The following STAB2 variants were observed in gnomAD, a reference collection of about 807,000 sequenced individuals.
STAB2 encodes the protein stabilin-2.
STAB2 carries 288 observed loss-of-function variants against 338.1 expected under a neutral mutation model. The ratio of observed to expected loss-of-function variants is 0.85; its 90% confidence interval spans 0.77 to 0.94. The LOEUF (loss-of-function observed/expected upper bound fraction) is 0.94. Among genes scored for constraint, STAB2 ranks in the 40% least tolerant of loss-of-function variants. The pLI, the probability that STAB2 is intolerant of heterozygous loss-of-function variation, is 0.00. For synonymous variants in STAB2, 1,202 were observed against 1,193.3 expected, an observed-to-expected ratio of 1.01 and a Z score of -0.15; for missense variants, 3,141 against 3,210.1, an observed-to-expected ratio of 0.98 and a Z score of 0.52.
chr12:103,623,471 G>A (rs1038967532), intron 5 of STAB2, among the ~76,000 whole-genome samples: 4 of 152,164 alleles, frequency 2.6e-5, no homozygotes, highest in Non-Finnish European at 5.9e-5. Context: ...TAAGGATGGA[G>A]AAGGGAGGCA....
At chr12:103,750,531 G>A (rs373508858) in intron 59 of STAB2, 48 bp from the exon 60 acceptor site, 39 of 1,603,566 alleles carry the variant, frequency 2.4e-5, no homozygotes, top group Admixed American at 6.7e-5. Flanking sequence ...GGCATCCTGG[G>A]GTCCTAGAGA....
intron 23 of STAB2, among the ~76,000 whole-genome samples, chr12:103,674,395 T>G (rs977292554): frequency 2.0e-5 from 3 of 152,128 alleles, no homozygotes; most frequent in Non-Finnish European, 2.9e-5. Context: ...GCAGGGCAGT[T>G]GTGGAGATTA....
At chr12:103,620,298 C>T (rs1957277845) in intron 3 of STAB2, among the ~76,000 whole-genome samples, 170 bp from the exon 4 acceptor site, 1 of 146,640 alleles carries the variant, frequency 6.8e-6, no homozygotes, top group South Asian at 2.1e-4. Context: ...CATTGCAATT[C>T]ACCTGTGTTT....
At chr12:103,714,883 G>C (rs568339786) in intron 42 of STAB2, among the ~76,000 whole-genome samples, 1 of 152,226 alleles carries the variant, frequency 6.6e-6, no homozygotes, top group East Asian at 1.9e-4. Flanking sequence ...ATTTATTATT[G>C]ATGTAATACT....
At chr12:103,751,661 C>G (rs770153354) in intron 60 of STAB2, among the ~76,000 whole-genome samples, 2 of 152,184 alleles carry the variant, frequency 1.3e-5, no homozygotes, top group Non-Finnish European at 2.9e-5. Flanking sequence ...TTATTTGCCC[C>G]TGGGACTGTG....
intron 3 of STAB2, among the ~76,000 whole-genome samples, chr12:103,601,154 A>G (rs974136617): frequency 3.9e-5 from 6 of 152,340 alleles, no homozygotes; most frequent in African/African-American, 9.6e-5. Context: ...TAACAACTTC[A>G]TAAGGCTATT....
chr12:103,698,699 C>T (rs536607697), intron 33 of STAB2, among the ~76,000 whole-genome samples: 23 of 152,290 alleles, frequency 1.5e-4, no homozygotes, highest in Admixed American at 1.2e-3. Flanking sequence ...CTCCACGAGA[C>T]ACAGATCAAG....
At chr12:103,674,890 A>G (rs1876186560) in intron 23 of STAB2, among the ~76,000 whole-genome samples, 2 of 152,224 alleles carry the variant, frequency 1.3e-5, no homozygotes, top group Non-Finnish European at 2.9e-5. Flanking sequence ...ACAGTTGTAC[A>G]ATAGAAATGC....
In STAB2 at chr12:103,688,192, G is replaced by A; in HGVS notation, c.3022G>A (p.Ala1008Thr). 1 of 1,613,924 alleles carries A rather than the reference G, an allele frequency of 6.2e-7. No individual in the cohort carries two copies. Among genetic ancestry groups the A allele is most frequent in the East Asian group, 2.2e-5 (1 of 44,892 alleles). Residue 1008 changes from alanine to threonine, a missense_variant, in exon 28 of 69, where the codon GCT becomes ACT. By Grantham distance (58) the Ala-to-Thr change is moderately conservative (BLOSUM62 0). Transcript: ENST00000388887. ...AVELSFLSEA[A>T]IFNRWINNAS... Reference sequence around the variant, plus strand: ...GGAATTGTCATTTCTCTCCGAAGCAGCTATATTTAACCGATGGATAAATGT... The same window carrying A: ...GGAATTGTCATTTCTCTCCGAAGCAACTATATTTAACCGATGGATAAATGT...
chr12:103,693,923 C>T (rs557196647), intron 31 of STAB2, among the ~76,000 whole-genome samples: 26 of 151,348 alleles, frequency 1.7e-4, no homozygotes, highest in Non-Finnish European at 2.7e-4. Flanking sequence ...GAGGCCGAGG[C>T]GGGCGGATCA....
At chr12:103,613,441 G>T (rs1957159362) in intron 3 of STAB2, among the ~76,000 whole-genome samples, 1 of 152,180 alleles carries the variant, frequency 6.6e-6, no homozygotes, top group Admixed American at 6.5e-5. Flanking sequence ...TCAGACTGCT[G>T]TGCTAGCAAT....
chr12:103,660,748 C>T lies in STAB2; in HGVS notation c.1854C>T (p.Phe618=), dbSNP rs373309541. 2.5e-6 allele frequency: 4 copies of T among 1,613,920 alleles called. No homozygotes were observed. In the African/African-American group the frequency reaches 4.0e-5, roughly 16 times the overall value. Reference sequence around the variant, plus strand: ...GCATGGCCAACCAGCTCATACAGTTCAACACCACCGACAATGTAAGTGAAA... The same window carrying T: ...GCATGGCCAACCAGCTCATACAGTTTAACACCACCGACAATGTAAGTGAAA... The part of the protein sequence containing the change: ...IRSMANQLIQ[F]NTTDNGQILA... The change falls in exon 17 of 69, where the codon TTC becomes TTT. Residue 618 remains phenylalanine (F), a synonymous_variant. Coordinates refer to ENST00000388887, the MANE Select transcript of STAB2 (RefSeq NM_017564.10).
intron 11 of STAB2, among the ~76,000 whole-genome samples, chr12:103,650,983 T>TTAAATTA (rs1873698941): frequency 6.6e-6 from 1 of 152,154 alleles, no homozygotes; most frequent in African/African-American, 2.4e-5. Flanking sequence ...ATTAGCTAGA[T>TTAAATTA]ATGTGGGTTT....
chr12:103,677,711 G>A (rs1842247839), intron 25 of STAB2, 100 bp downstream of exon 25: 6 of 1,420,644 alleles, frequency 4.2e-6, no homozygotes, highest in South Asian at 3.3e-5. Context: ...ACTTACTGCA[G>A]CTTTTTTCAG....
chr12:103,590,231 A>C (rs1956775304), intron 1 of STAB2, among the ~76,000 whole-genome samples: 1 of 152,148 alleles, frequency 6.6e-6, no homozygotes, highest in Non-Finnish European at 1.5e-5. Flanking sequence ...AGCACATCTG[A>C]TTTCCCCAAT....
chr12:103,691,260 A>G (rs73189878), intron 30 of STAB2, among the ~76,000 whole-genome samples: 4,510 of 152,338 alleles, frequency 0.03, 88 homozygotes, highest in Non-Finnish European at 0.045. Flanking sequence ...TGCTACATCC[A>G]TGAACCATGG....
At chr12:103,676,093 G>A (rs139558652) in intron 24 of STAB2, 72 bp downstream of exon 24, 53,022 of 1,057,346 alleles carry the variant, frequency 0.05, 1,858 homozygotes, top group African/African-American at 0.14. Flanking sequence ...ACAGAGTCTC[G>A]CTCTGTCGCC....
At chr12:103,735,298 A>G (rs1882021187) in intron 51 of STAB2, among the ~76,000 whole-genome samples, 193 bp from the exon 52 acceptor site, 1 of 152,262 alleles carries the variant, frequency 6.6e-6, no homozygotes, top group South Asian at 2.1e-4. Context: ...TCCCTCAAGA[A>G]GGAATTTCCA....
At position 103,640,226 on chromosome 12, in the gene STAB2, A is replaced by C; in HGVS notation, c.1010A>C (p.Asn337Thr). 1 of 1,613,636 alleles carries C rather than the reference A, an allele frequency of 6.2e-7. No homozygotes were observed. Among genetic ancestry groups the C allele is most frequent in the Non-Finnish European group, 8.5e-7 (1 of 1,179,704 alleles). Residue 337 changes from asparagine to threonine, a missense_variant, in exon 9 of 69, where the codon AAT becomes ACT. Transcript: ENST00000388887. Reference sequence around the variant, plus strand: ...GATAACCCGTGTCATAGGAATGCAAATTGCACCACCGTCGCACCAGGCCGA... The same window carrying C: ...GATAACCCGTGTCATAGGAATGCAACTTGCACCACCGTCGCACCAGGCCGA... ...KSDNPCHRNA[N>T]CTTVAPGRTE...
Sources: allele counts gnomAD v4.1 joint callset (sites outside exome capture counted in the v4.1 genomes callset), GRCh38; gene constraint gnomAD v4.1.1; transcripts MANE v1.5; gene names NCBI Gene and HGNC (gene_info 2026-07-23, HGNC 2026-07-21).